AOPEP: variants seen among roughly 807,000 people sequenced by gnomAD.
AOPEP encodes the protein aminopeptidase O.
In AOPEP, 77 loss-of-function variants were observed where a neutral mutation model predicts 98.1. The ratio of observed to expected loss-of-function variants is 0.78; its 90% CI spans 0.65 to 0.95. The LOEUF (loss-of-function observed/expected upper bound fraction) is 0.95, where lower values mean the gene tolerates loss of function less well. Ranked by LOEUF, AOPEP falls within the 40% of genes least tolerant of loss-of-function variation. The probability of loss-of-function intolerance (pLI) is 0.00; values close to 1 mark genes in which losing one functional copy is unlikely to be tolerated. For missense variants in AOPEP, 1,024 were observed against 1,024.7 expected (o/e 1.00, Z 0.01); for synonymous variants, 346 against 365.3 (o/e 0.95, Z 0.60).
At chr9:94,815,219 A>C (rs1209851394) in intron 5 of AOPEP, among the ~76,000 whole-genome samples, 1 of 152,132 alleles carries the variant, frequency 6.6e-6, no homozygotes, top group African/African-American at 2.4e-5. Flanking sequence ...GGTGGCTAGG[A>C]AGTCCCATCC....
At chr9:94,858,897 G>A (rs563463645) in intron 5 of AOPEP, among the ~76,000 whole-genome samples, 2 of 152,100 alleles carry the variant, frequency 1.3e-5, no homozygotes, top group East Asian at 3.9e-4. Flanking sequence ...GTGTGGTAGC[G>A]GGTGCCTGTA....
intron 11 of AOPEP, among the ~76,000 whole-genome samples, chr9:95,000,661 T>C (rs1354898391): frequency 6.6e-6 from 1 of 152,172 alleles, no homozygotes; most frequent in Non-Finnish European, 1.5e-5. Flanking sequence ...TGAGCCAAGA[T>C]TGCACCATTG....
intron 5 of AOPEP, among the ~76,000 whole-genome samples, chr9:94,899,054 C>T (rs2136197466): frequency 6.6e-6 from 1 of 152,130 alleles, no homozygotes; most frequent in South Asian, 2.1e-4. Context: ...TGCATTTGTC[C>T]TTATTACCTT....
At chr9:95,031,933 G>A (rs2133378963) in intron 13 of AOPEP, among the ~76,000 whole-genome samples, 1 of 152,286 alleles carries the variant, frequency 6.6e-6, no homozygotes, top group Admixed American at 6.5e-5. Flanking sequence ...TTGATTACAT[G>A]TGTTTCTGCT....
downstream of AOPEP, among the ~76,000 whole-genome samples, chr9:95,088,562 A>G (rs2070820581): frequency 6.6e-6 from 1 of 152,126 alleles, no homozygotes; most frequent in Admixed American, 6.5e-5. Flanking sequence ...TCACTGAGGC[A>G]GAGCCAGGAA....
Position 94,792,848 on chromosome 9 carries a change from A to G in AOPEP, c.1048A>G (p.Lys350Glu), listed in dbSNP as rs749038852. ...TIAVGCWTEM[K>E]METWSSNDLA... ...TGCAGTGGGATGCTGGACAGAAATG[A>G]AGATGGAGACATGGTCATCAAATGA... The change falls in exon 4 of 17, where the codon AAG (lysine) becomes GAG (glutamate). Residue 350 changes from lysine (K) to glutamate (E), a missense_variant. This residue lies in a region of AOPEP where 440 missense variants were observed against 433.8 expected (regional missense o/e 1.01). Transcript: ENST00000375315. 24 of 1,613,860 alleles carry G rather than the reference A, an allele frequency of 1.5e-5. No individual in the cohort carries two copies. Among genetic ancestry groups the G allele is most frequent in the Non-Finnish European group, 1.9e-5 (23 of 1,179,924 alleles).
At chr9:95,039,161 C>T (rs1221460925) in intron 13 of AOPEP, among the ~76,000 whole-genome samples, 1 of 152,022 alleles carries the variant, frequency 6.6e-6, no homozygotes, top group East Asian at 1.9e-4. Context: ...TGGGATCGGC[C>T]CATGCTGTTG....
chr9:95,122,079 C>T, the AOPEP span, among the ~76,000 whole-genome samples: 10 of 151,936 alleles, frequency 6.6e-5, no homozygotes, highest in South Asian at 2.1e-4. Flanking sequence ...AGGATGGTCT[C>T]GATCTCCTGA....
Position 94,924,040 on chromosome 9 carries a change from TG to T in AOPEP, c.1422del (p.Thr475ProfsTer14). The T allele has an allele frequency of 2.0e-6, 3 of 1,516,158 alleles. No homozygotes were observed. In the South Asian group the frequency reaches 3.8e-5, roughly 19 times the overall value. 93.9% of individuals were successfully genotyped at this position (1,516,158 alleles called of 1,614,324 possible). A position where few individuals can be genotyped will look rare whatever the true frequency, so the allele number is the denominator to read the frequency against. ...SILTGGNHLCGTRLCHEIAHA... is the reference protein window; with the variant it reads ...SILTGGNHLCXTRLCHEIAHA... ...TCTTGACAGGAGGGAACCATCTCTG[TG>T]GGACCCGCCTCTGCCATGAAATTGC... On this transcript the variant is annotated frameshift_variant, in exon 6 of 17. Transcript: ENST00000375315. LOFTEE classifies it high-confidence loss of function.
chr9:95,078,193 C>G (rs1270255552), intron 14 of AOPEP, among the ~76,000 whole-genome samples: 1 of 152,078 alleles, frequency 6.6e-6, no homozygotes, highest in African/African-American at 2.4e-5. Flanking sequence ...GACTTCAGAT[C>G]CGTGGTGAAA....
intron 14 of AOPEP, 42 bp downstream of exon 14, chr9:95,060,852 C>A (rs1448359640): frequency 2.4e-6 from 3 of 1,262,144 alleles, no homozygotes; most frequent in African/African-American, 2.9e-5. Flanking sequence ...CAGGTCCCCA[C>A]TGTTGTTGAA....
intron 11 of AOPEP, among the ~76,000 whole-genome samples, chr9:94,981,108 T>C (rs2138728445): frequency 6.6e-6 from 1 of 152,290 alleles, no homozygotes; most frequent in East Asian, 1.9e-4. Flanking sequence ...CTTAATCCAG[T>C]GCCCAGAAGC....
intron 5 of AOPEP, among the ~76,000 whole-genome samples, chr9:94,903,384 G>A (rs1157384267): frequency 2.0e-5 from 3 of 152,094 alleles, no homozygotes; most frequent in Non-Finnish European, 2.9e-5. Flanking sequence ...AGGCCCCATT[G>A]TGGGGGAAAG....
intron 5 of AOPEP, among the ~76,000 whole-genome samples, chr9:94,805,308 G>A (rs994152154): frequency 2.6e-5 from 4 of 152,044 alleles, no homozygotes; most frequent in Non-Finnish European, 5.9e-5. Context: ...GCACCCAGAC[G>A]GGCAACCGTC....
At chr9:94,814,273 A>G (rs1851245428) in intron 5 of AOPEP, among the ~76,000 whole-genome samples, 1 of 152,222 alleles carries the variant, frequency 6.6e-6, no homozygotes, top group African/African-American at 2.4e-5. Flanking sequence ...TACTCAGGAA[A>G]GTTCTGAGTT....
At chr9:94,764,933 G>T (rs1261352866) in intron 2 of AOPEP, among the ~76,000 whole-genome samples, 5 of 152,100 alleles carry the variant, frequency 3.3e-5, no homozygotes. Flanking sequence ...GAGAGCAGTG[G>T]CATGAACTTG....
the AOPEP span, among the ~76,000 whole-genome samples, chr9:95,133,497 C>T: frequency 6.6e-6 from 1 of 152,318 alleles, no homozygotes; most frequent in South Asian, 2.1e-4. Context: ...AAACTGGAGA[C>T]TGAGCATTAT....
intron 11 of AOPEP, among the ~76,000 whole-genome samples, chr9:95,000,357 T>A (rs2061485987): frequency 6.6e-6 from 1 of 152,228 alleles, no homozygotes; most frequent in African/African-American, 2.4e-5. Context: ...TTTTTTGGAT[T>A]AATTTATAAT....
intron 13 of AOPEP, among the ~76,000 whole-genome samples, chr9:95,022,834 C>G (rs1173778031): frequency 6.6e-6 from 1 of 152,158 alleles, no homozygotes; most frequent in East Asian, 1.9e-4. Context: ...ACATTTCCCC[C>G]CTTGCCCAGA....
Sources: allele counts gnomAD v4.1 joint callset (sites outside exome capture counted in the v4.1 genomes callset), GRCh38; gene constraint gnomAD v4.1.1; regional missense constraint gnomAD v4.1.1; transcripts MANE v1.5; gene names NCBI Gene and HGNC (gene_info 2026-07-23, HGNC 2026-07-21).